OR52E5: variants seen among roughly 807,000 people sequenced by gnomAD.
OR52E5 encodes olfactory receptor 52E5.
chr11:5,900,103 G>A (rs1847228739), intron 2 of OR52E5, among the ~76,000 whole-genome samples: 1 of 152,084 alleles, frequency 6.6e-6, no homozygotes, highest in Admixed American at 6.6e-5. Flanking sequence ...AGCATCCAGT[G>A]TTTTCTATTC....
intron 2 of OR52E5, among the ~76,000 whole-genome samples, chr11:5,896,246 T>A (rs1197853554): frequency 1.5e-4 from 8 of 53,544 alleles, no homozygotes; most frequent in African/African-American, 4.5e-4. Context: ...TCGTCTCTAC[T>A]AAAAAAAAAA....
intron 1 of OR52E5, among the ~76,000 whole-genome samples, chr11:5,894,777 AAGAG>A (rs927842821): frequency 6.6e-6 from 1 of 152,038 alleles, no homozygotes; most frequent in Non-Finnish European, 1.5e-5. Context: ...TTTTTCTATA[AAGAG>A]AGAGAGAGTT....
Position 5,893,706 on chromosome 11 carries a change from G to A in OR52E5, c.-228+436G>A, listed in dbSNP as rs138131265. Among the ~76,000 whole-genome samples, 37 of 152,028 alleles carry A rather than the reference G, an allele frequency of 2.4e-4. No individual in the cohort carries two copies. In the East Asian group the frequency reaches 5.2e-3, roughly 21 times the overall value. On this transcript the variant is annotated intron_variant, in intron 1 of 2. Transcript: ENST00000610445. ...ATGCTGAAACCTCAAATTTTCACCC[G>A]TCCCTGGAATTGCCCTCAGATCCAA...
At chr11:5,897,977 C>T (rs2134292119) in intron 2 of OR52E5, among the ~76,000 whole-genome samples, 1 of 152,124 alleles carries the variant, frequency 6.6e-6, no homozygotes. Flanking sequence ...ATCTTCTCAC[C>T]TCACCCTCCT....
Position 5,901,260 on chromosome 11 carries a change from A to G in OR52E5, c.484A>G (p.Thr162Ala), listed in dbSNP as rs1847248845. ...VRTLVFVTPF[T>A]FLILRLPFCG... Reference sequence around the variant, plus strand: ...GACTTTGGTATTTGTGACTCCATTCACATTTCTCATCCTGAGATTGCCTTT... The same window carrying G: ...GACTTTGGTATTTGTGACTCCATTCGCATTTCTCATCCTGAGATTGCCTTT... The change falls in exon 3 of 3, where the codon ACA becomes GCA. Residue 162 changes from threonine (T) to alanine (A), a missense_variant. By Grantham distance (58) the Thr-to-Ala change is moderately conservative. Transcript: ENST00000610445. 2.5e-6 allele frequency: 1 copy of G among 401,480 alleles called. No homozygotes were observed. The highest frequency in any genetic ancestry group is 2.1e-5 in the African/African-American group (1 of 48,548). The allele number at this position is 401,480 out of a possible 1,614,324, so 24.9% of individuals were successfully genotyped here.
In OR52E5 at chr11:5,901,561, G is replaced by A. The variant is rs112500834; in HGVS notation, c.785G>A (p.Arg262His). Residue 262 changes from arginine (R) to histidine (H), a missense_variant, in exon 3 of 3, where the codon CGC becomes CAC. By Grantham distance (29) the Arg-to-His change is conservative (BLOSUM62 0). Transcript: ENST00000610445. ...GCCCTCTTTTCCTTCATGACACACC[G>A]CTTTGGCCACAACATCCCTCATTAC... ...LPALFSFMTHRFGHNIPHYIH... is the reference protein window; with the variant it reads ...LPALFSFMTHHFGHNIPHYIH... 3,185 of 401,644 alleles carry A rather than the reference G, an allele frequency of 7.9e-3. 102 individuals carry two copies. Among genetic ancestry groups the A allele is most frequent in the African/African-American group, 0.057 (2,795 of 48,704 alleles). 24.9% of individuals were successfully genotyped at this position (401,644 alleles called of 1,614,324 possible).
chr11:5,894,703 CT>C (rs921426926), intron 1 of OR52E5, among the ~76,000 whole-genome samples: 71 of 152,172 alleles, frequency 4.7e-4, no homozygotes, highest in African/African-American at 1.5e-3. Context: ...GGAATAAAGA[CT>C]TTTTTCATAA....
chr11:5,894,879 A>G (rs1206440263), intron 1 of OR52E5, among the ~76,000 whole-genome samples: 1 of 152,206 alleles, frequency 6.6e-6, no homozygotes, highest in Non-Finnish European at 1.5e-5. Context: ...CAGACAATAC[A>G]TAAATGAATG....
chr11:5,901,567 G>A lies in OR52E5; in HGVS notation c.791G>A (p.Gly264Asp), dbSNP rs751038898. The change falls in exon 3 of 3, where the codon GGC becomes GAC. Residue 264 changes from glycine (G) to aspartate (D), a missense_variant. Physicochemically the swap from Gly to Asp is moderately conservative, Grantham distance 94 (BLOSUM62 -1). Coordinates refer to ENST00000610445, the MANE Select transcript of OR52E5 (RefSeq NM_001005166.5). ...ALFSFMTHRF[G>D]HNIPHYIHIL... is the part of the protein sequence containing the mutation. ...TTTTCCTTCATGACACACCGCTTTGGCCACAACATCCCTCATTACATCCAC... is the reference window on the plus strand; with the variant it reads ...TTTTCCTTCATGACACACCGCTTTGACCACAACATCCCTCATTACATCCAC... The A allele has an allele frequency of 4.0e-5, 16 of 401,622 alleles. 1 individual carries two copies. Among genetic ancestry groups the A allele is most frequent in the Non-Finnish European group, 7.1e-5 (16 of 226,394 alleles). The allele number at this position is 401,622 out of a possible 1,614,324, so 24.9% of individuals were successfully genotyped here.
chr11:5,900,340 T>C (rs1379874933), intron 2 of OR52E5, among the ~76,000 whole-genome samples: 1 of 150,362 alleles, frequency 6.7e-6, no homozygotes, highest in Non-Finnish European at 1.5e-5. Flanking sequence ...ATTCCTCTTA[T>C]CATTTTCCTC....
At chr11:5,897,978 T>C (rs1847198514) in intron 2 of OR52E5, among the ~76,000 whole-genome samples, 1 of 151,774 alleles carries the variant, frequency 6.6e-6, no homozygotes, top group Non-Finnish European at 1.5e-5. Context: ...TCTTCTCACC[T>C]CACCCTCCTG....
At chr11:5,895,976 G>A (rs1202291175) in intron 2 of OR52E5, among the ~76,000 whole-genome samples, 1 of 151,962 alleles carries the variant, frequency 6.6e-6, no homozygotes, top group Non-Finnish European at 1.5e-5. Flanking sequence ...TTCTACCCAA[G>A]TGGTGGAGGT....
At chr11:5,899,339 A>C in intron 2 of OR52E5, among the ~76,000 whole-genome samples, 1 of 152,234 alleles carries the variant, frequency 6.6e-6, no homozygotes, top group East Asian at 1.9e-4. Context: ...AATACAACTC[A>C]GGAAATGATC....
intron 2 of OR52E5, among the ~76,000 whole-genome samples, chr11:5,898,560 T>A (rs575474418): frequency 6.6e-6 from 1 of 152,152 alleles, no homozygotes; most frequent in Non-Finnish European, 1.5e-5. Flanking sequence ...TCTTTTAGGA[T>A]TTTTGTAGTT....
rs1412349449 is a variant in OR52E5 at position 5,902,357 on chromosome 11, T to C, written c.*597T>C. On this transcript the variant is annotated 3_prime_UTR_variant, in exon 3 of 3. Coordinates refer to ENST00000610445, the MANE Select transcript of OR52E5 (RefSeq NM_001005166.5). ...AAGATTTGGAAACAAAATGAGTGCT[T>C]ACTAAACATAATTATAGTGTAATTG... 6.6e-6 allele frequency: 1 copy of C among 152,414 alleles called. No individual in the cohort carries two copies. The highest frequency in any genetic ancestry group is 2.4e-5 in the African/African-American group (1 of 41,464). 9.4% of individuals were successfully genotyped at this position (152,414 alleles called of 1,614,324 possible).
In OR52E5 at chr11:5,901,444, C is replaced by T. The variant is rs1397051921; in HGVS notation, c.668C>T (p.Ala223Val). Residue 223 changes from alanine to valine, a missense_variant, in exon 3 of 3, where the codon GCT becomes GTT. Physicochemically the swap from Ala to Val is moderately conservative, Grantham distance 64 (BLOSUM62 0). Coordinates refer to ENST00000610445, the MANE Select transcript of OR52E5 (RefSeq NM_001005166.5). The part of the protein sequence containing the change: ...IGFSYVQILR[A>V]VFHLPAWDAR... ...TTTTCCTATGTCCAGATCCTCCGAG[C>T]TGTCTTCCATCTCCCAGCCTGGGAT... The T allele has an allele frequency of 5.0e-6, 2 of 401,556 alleles. No individual in the cohort carries two copies. The highest frequency in any genetic ancestry group is 8.8e-6 in the Non-Finnish European group (2 of 226,374). 24.9% of individuals were successfully genotyped at this position (401,556 alleles called of 1,614,324 possible). A position where few individuals can be genotyped will look rare whatever the true frequency, so the allele number is the denominator to read the frequency against.
At chr11:5,897,956 A>C (rs1564996956) in intron 2 of OR52E5, among the ~76,000 whole-genome samples, 1 of 151,920 alleles carries the variant, frequency 6.6e-6, no homozygotes, top group African/African-American at 2.4e-5. Flanking sequence ...TTGACCTCCC[A>C]GGTTCCAGTG....
chr11:5,896,447 G>A (rs112378794), intron 2 of OR52E5, among the ~76,000 whole-genome samples: 6,437 of 149,052 alleles, frequency 0.043, 472 homozygotes, highest in African/African-American at 0.15. Context: ...AATCAGAGAA[G>A]AAGAAAAAAT....
chr11:5,898,560 T>C (rs575474418), intron 2 of OR52E5, among the ~76,000 whole-genome samples: 1 of 152,270 alleles, frequency 6.6e-6, no homozygotes, highest in East Asian at 1.9e-4. Flanking sequence ...TCTTTTAGGA[T>C]TTTTGTAGTT....
Sources: allele counts gnomAD v4.1 joint callset (sites outside exome capture counted in the v4.1 genomes callset), GRCh38; gene constraint gnomAD v4.1.1; transcripts MANE v1.5; gene names NCBI Gene and HGNC (gene_info 2026-07-23, HGNC 2026-07-21).